The following EPHA6 variants were observed in gnomAD, a reference collection of about 807,000 sequenced individuals.
EPHA6 encodes the protein ephrin type-A receptor 6.
A neutral mutation model predicts 112.0 loss-of-function variants in EPHA6; 50 were observed. The ratio of observed to expected loss-of-function variants is 0.45; its 90% CI spans 0.36 to 0.56. The LOEUF (loss-of-function observed/expected upper bound fraction) is 0.56, where lower values mean the gene tolerates loss of function less well. Ranked by LOEUF, EPHA6 falls within the 20% of genes least tolerant of loss-of-function variation. EPHA6 has a pLI of 0.00. For missense variants in EPHA6, 1,280 were observed against 1,417.4 expected (o/e 0.90, Z 1.56); for synonymous variants, 529 against 490.7 (o/e 1.08, Z -1.03).
chr3:97,516,698 A>G (rs2092453746), intron 10 of EPHA6, among the ~76,000 whole-genome samples: 1 of 152,278 alleles, frequency 6.6e-6, no homozygotes, highest in South Asian at 2.1e-4. Context: ...ACTCCTTTAT[A>G]TGACATTTTA....
chr3:97,046,779 G>C (rs1350762779), intron 3 of EPHA6, among the ~76,000 whole-genome samples: 1 of 151,582 alleles, frequency 6.6e-6, no homozygotes, highest in African/African-American at 2.4e-5. Context: ...AAAAGCATAG[G>C]GGCCTAGGAA....
intron 10 of EPHA6, among the ~76,000 whole-genome samples, chr3:97,499,802 C>CTGG (rs1263529010): frequency 6.6e-6 from 1 of 152,126 alleles, no homozygotes; most frequent in East Asian, 1.9e-4. Flanking sequence ...AGAAGTTGCT[C>CTGG]TGGATAAGTC....
chr3:97,245,451 T>C (rs1349365542), intron 5 of EPHA6, among the ~76,000 whole-genome samples: 2 of 152,124 alleles, frequency 1.3e-5, no homozygotes, highest in South Asian at 2.1e-4. Context: ...CATTCTGAGG[T>C]CCTAGGGGTT....
intron 11 of EPHA6, among the ~76,000 whole-genome samples, chr3:97,592,351 T>C (rs962019159): frequency 8.5e-5 from 13 of 152,236 alleles, no homozygotes; most frequent in Admixed American, 5.2e-4. Context: ...CTTTATGTTC[T>C]AAATGTAGGT....
At chr3:97,367,268 T>C (rs1367715434) in intron 5 of EPHA6, among the ~76,000 whole-genome samples, 4 of 152,138 alleles carry the variant, frequency 2.6e-5, no homozygotes, top group Non-Finnish European at 1.5e-5. Flanking sequence ...TGTGAACCCA[T>C]TTTTAAAGTA....
Position 97,560,266 on chromosome 3 carries a change from G to T in EPHA6, c.2386+27723G>T, listed in dbSNP as rs537978448. 2.0e-5 allele frequency among the ~76,000 whole-genome samples: 3 copies of T among 152,066 alleles called. No individual in the cohort carries two copies. The South Asian group carries it at 6.2e-4, about 32-fold the overall frequency. ...AGAATAATCATGCAAAGTGCCCTGA[G>T]AACGATTGATTTAAATCAGAAATAT... On this transcript the variant is annotated intron_variant, in intron 11 of 17. Coordinates refer to ENST00000389672, the MANE Select transcript of EPHA6 (RefSeq NM_001080448.3).
intron 12 of EPHA6, among the ~76,000 whole-genome samples, chr3:97,595,444 G>A (rs1273064647): frequency 2.0e-5 from 3 of 152,140 alleles, no homozygotes; most frequent in Non-Finnish European, 4.4e-5. Flanking sequence ...AGGAGTTAGA[G>A]ACCAGCCTGG....
At chr3:97,157,903 T>C (rs1172729401) in intron 3 of EPHA6, among the ~76,000 whole-genome samples, 1 of 152,126 alleles carries the variant, frequency 6.6e-6, no homozygotes, top group Admixed American at 6.6e-5. Context: ...CCCAGATTAA[T>C]ATTTGGTCAA....
At chr3:97,653,069 CATTTTACATATATTCTTAAT>C (rs1277360579) in intron 14 of EPHA6, among the ~76,000 whole-genome samples, 6 of 151,976 alleles carry the variant, frequency 3.9e-5, no homozygotes, top group African/African-American at 1.2e-4. Flanking sequence ...AATAATCATA[CATTTTACATATATTCTTAAT>C]ATTATAAGTC....
chr3:97,608,806 A>C (rs929691291), intron 12 of EPHA6, among the ~76,000 whole-genome samples: 1 of 151,348 alleles, frequency 6.6e-6, no homozygotes, highest in Non-Finnish European at 1.5e-5. Context: ...ATCACTGGAA[A>C]GAATTGACTA....
intron 5 of EPHA6, among the ~76,000 whole-genome samples, chr3:97,349,721 G>A (rs1242470691): frequency 6.6e-6 from 1 of 151,966 alleles, no homozygotes; most frequent in Non-Finnish European, 1.5e-5. Flanking sequence ...AAAAGTATCA[G>A]TTTTGCCCAG....
chr3:97,277,486 C>A (rs1269209439), intron 5 of EPHA6, among the ~76,000 whole-genome samples: 1 of 152,086 alleles, frequency 6.6e-6, no homozygotes, highest in Non-Finnish European at 1.5e-5. Flanking sequence ...AGGAACCCGC[C>A]ATCTGGATGT....
chr3:97,729,469 C>A (rs1272466193), intron 15 of EPHA6, among the ~76,000 whole-genome samples: 1 of 151,950 alleles, frequency 6.6e-6, no homozygotes, highest in African/African-American at 2.4e-5. Flanking sequence ...GGGGGACTGC[C>A]CTTTGTAAAA....
At chr3:97,141,856 C>CA (rs113458016) in intron 3 of EPHA6, among the ~76,000 whole-genome samples, 14,185 of 151,890 alleles carry the variant, frequency 0.093, 1,046 homozygotes, top group Admixed American at 0.22. Flanking sequence ...GAGATTGAGA[C>CA]AAAAAACAAG....
chr3:97,046,220 G>A (rs919231314), intron 3 of EPHA6, among the ~76,000 whole-genome samples: 3 of 152,082 alleles, frequency 2.0e-5, no homozygotes, highest in African/African-American at 4.8e-5. Flanking sequence ...GTGCAAAAAC[G>A]AATGCAGCAT....
At chr3:97,066,927 G>A (rs576340247) in intron 3 of EPHA6, among the ~76,000 whole-genome samples, 2 of 152,100 alleles carry the variant, frequency 1.3e-5, no homozygotes, top group African/African-American at 4.8e-5. Flanking sequence ...ATCTAACAGG[G>A]GAGACAGAAT....
chr3:96,952,365 G>T (rs9816190), intron 2 of EPHA6, among the ~76,000 whole-genome samples: 18,224 of 152,118 alleles, frequency 0.12, 2,038 homozygotes, highest in Admixed American at 0.24. Context: ...GAGGTGTTTG[G>T]ATCGTGAAGG....
At chr3:97,135,252 C>T (rs764419903) in intron 3 of EPHA6, among the ~76,000 whole-genome samples, 16 of 152,094 alleles carry the variant, frequency 1.1e-4, no homozygotes, top group Non-Finnish European at 2.2e-4. Context: ...TTTTGAGTTA[C>T]AAGCTGCGTG....
chr3:97,726,672 T>C (rs2034784081), intron 15 of EPHA6, among the ~76,000 whole-genome samples: 2 of 152,084 alleles, frequency 1.3e-5, no homozygotes, highest in South Asian at 2.1e-4. Context: ...TTCAGGGTAA[T>C]GTTTTATGTT....
Sources: allele counts gnomAD v4.1 joint callset (sites outside exome capture counted in the v4.1 genomes callset), GRCh38; gene constraint gnomAD v4.1.1; transcripts MANE v1.5; gene names NCBI Gene and HGNC (gene_info 2026-07-23, HGNC 2026-07-21).